The following SEPTIN2 variants were observed in gnomAD, a reference collection of about 807,000 sequenced individuals.
The protein encoded by SEPTIN2 is septin 2, also known as septin-2.
In SEPTIN2, 34 loss-of-function variants were observed where a neutral mutation model predicts 46.5. The ratio of observed to expected loss-of-function variants is 0.73; its 90% CI spans 0.56 to 0.97. SEPTIN2 has a LOEUF of 0.97. SEPTIN2 is among the 50% of genes least tolerant of loss of function. The pLI is 0.00. For missense variants in SEPTIN2, 347 were observed against 448.4 expected (o/e 0.77, Z 2.04); for synonymous variants, 175 against 153.4 (o/e 1.14, Z -1.04).
intron 3 of SEPTIN2, among the ~76,000 whole-genome samples, chr2:241,334,102 A>G (rs2079499116): frequency 6.6e-6 from 1 of 152,096 alleles, no homozygotes; most frequent in Non-Finnish European, 1.5e-5. Flanking sequence ...TTGAATTCTT[A>G]GCCTCAAGTG....
chr2:241,316,595 G>A (rs1454396689), intron 1 of SEPTIN2: 3 of 1,405,850 alleles, frequency 2.1e-6, no homozygotes, highest in South Asian at 1.4e-5. Context: ...AGGGTTGGAG[G>A]CCGCCGAGTT....
chr2:241,316,713 G>A (rs989967197), intron 1 of SEPTIN2: 13 of 478,434 alleles, frequency 2.7e-5, no homozygotes, highest in African/African-American at 2.6e-4. Context: ...TTACCTTTTC[G>A]GTCTAATTCT....
At chr2:241,332,821 A>G (rs1042451243) in intron 3 of SEPTIN2, among the ~76,000 whole-genome samples, 1 of 152,250 alleles carries the variant, frequency 6.6e-6, no homozygotes, top group African/African-American at 2.4e-5. Context: ...ATGCAACAAC[A>G]TGCATCAGTC....
intron 1 of SEPTIN2, among the ~76,000 whole-genome samples, chr2:241,321,846 A>G (rs1276911699): frequency 6.6e-6 from 1 of 151,808 alleles, no homozygotes; most frequent in Non-Finnish European, 1.5e-5. Context: ...TCATAATCAG[A>G]TACTTATCTC....
At chr2:241,345,203 A>G (rs920024101) in intron 9 of SEPTIN2, among the ~76,000 whole-genome samples, 2 of 152,218 alleles carry the variant, frequency 1.3e-5, no homozygotes, top group Non-Finnish European at 2.9e-5. Flanking sequence ...TGATGTGGAT[A>G]AATCAGTGTT....
At chr2:241,325,871 T>C (rs550005884) in intron 2 of SEPTIN2, 122 bp from the exon 3 acceptor site, 2 of 875,806 alleles carry the variant, frequency 2.3e-6, no homozygotes, top group Admixed American at 3.1e-5. Context: ...CTGGAAGTGT[T>C]TATACTTTTT....
chr2:241,332,652 A>G lies in SEPTIN2; in HGVS notation c.131-2474A>G, dbSNP rs114581443. Among the ~76,000 whole-genome samples, 866 of 152,382 alleles carry G rather than the reference A, an allele frequency of 5.7e-3. 16 individuals carry two copies. The highest frequency in any genetic ancestry group is 0.019 in the African/African-American group (803 of 41,590). ...GTGTTTACCCACAAGAAATGAAAACATGTCCATAAAGATTTGTATATGAAT... is the reference window on the plus strand; with the variant it reads ...GTGTTTACCCACAAGAAATGAAAACGTGTCCATAAAGATTTGTATATGAAT... On this transcript the variant is annotated intron_variant, in intron 3 of 12. Transcript: ENST00000391971.
At position 241,324,205 on chromosome 2, in the gene SEPTIN2, T is replaced by G; in HGVS notation, c.-17-11T>G. On this transcript the variant is annotated splice_polypyrimidine_tract_variant and intron_variant, in intron 1 of 12. Transcript: ENST00000391971. ...GCGTTTATGTGTGTCTGTGTGTTTT[T>G]TTTTTAACAGACGAAGCTTCACAAA... is the stretch of plus-strand genomic sequence containing the variant. 1 of 1,610,752 alleles carries G rather than the reference T, an allele frequency of 6.2e-7. No individual in the cohort carries two copies. The highest frequency in any genetic ancestry group is 8.5e-7 in the Non-Finnish European group (1 of 1,178,894).
At chr2:241,327,659 C>G (rs937756701) in intron 3 of SEPTIN2, among the ~76,000 whole-genome samples, 3 of 151,816 alleles carry the variant, frequency 2.0e-5, no homozygotes, top group Non-Finnish European at 4.4e-5. Flanking sequence ...CTACCAGAAA[C>G]TACTGATGAG....
At chr2:241,343,205 A>C in intron 8 of SEPTIN2, 112 bp downstream of exon 8, 1 of 693,740 alleles carries the variant, frequency 1.4e-6, no homozygotes, top group East Asian at 2.6e-5. Flanking sequence ...TTTTGCTTTC[A>C]ATATATTTTA....
intron 1 of SEPTIN2, chr2:241,316,327 T>G: frequency 2.2e-6 from 1 of 448,626 alleles, no homozygotes; most frequent in South Asian, 3.5e-5. Context: ...TCGGGAGGTT[T>G]GGTGCTTGGA....
Position 241,348,125 on chromosome 2 carries a change from G to C in SEPTIN2, c.927-9G>C. Reference sequence around the variant, plus strand: ...CAGTGTTATGATTCTGATTTCTTTCGATTCTTAGGAAAGTGGAGAATGAGG... The same window carrying C: ...CAGTGTTATGATTCTGATTTCTTTCCATTCTTAGGAAAGTGGAGAATGAGG... On this transcript the variant is annotated splice_polypyrimidine_tract_variant and intron_variant, in intron 10 of 12. Coordinates refer to ENST00000391971, the MANE Select transcript of SEPTIN2 (RefSeq NM_004404.5). The C allele has an allele frequency of 6.2e-7, 1 of 1,608,878 alleles. No individual in the cohort carries two copies. Among genetic ancestry groups the C allele is most frequent in the Non-Finnish European group, 8.5e-7 (1 of 1,177,114 alleles).
chr2:241,343,863 C>G lies in SEPTIN2; in HGVS notation c.808C>G (p.His270Asp), dbSNP rs375981625. 46 of 1,614,108 alleles carry G rather than the reference C, an allele frequency of 2.8e-5. No individual in the cohort carries two copies. The highest frequency in any genetic ancestry group is 3.6e-5 in the Non-Finnish European group (42 of 1,180,028). ...TGTTGTGGAAGTGGAGAACCCAGAGCACAATGACTTTCTGAAGCTGAGAAC... is the reference window on the plus strand; with the variant it reads ...TGTTGTGGAAGTGGAGAACCCAGAGGACAATGACTTTCTGAAGCTGAGAAC... ...WGVVEVENPE[H>D]NDFLKLRTML... The change falls in exon 9 of 13, where the codon CAC becomes GAC. Residue 270 changes from histidine (H) to aspartate (D), a missense_variant. By Grantham distance (81) the His-to-Asp change is moderately conservative. Coordinates refer to ENST00000391971, the MANE Select transcript of SEPTIN2 (RefSeq NM_004404.5).
At chr2:241,330,418 G>C (rs1468004331) in intron 3 of SEPTIN2, among the ~76,000 whole-genome samples, 1 of 152,238 alleles carries the variant, frequency 6.6e-6, no homozygotes, top group Non-Finnish European at 1.5e-5. Context: ...GTGGACATCA[G>C]GAGGGTTGCA....
chr2:241,321,087 CT>C (rs1303638833), intron 1 of SEPTIN2, among the ~76,000 whole-genome samples: 4 of 151,710 alleles, frequency 2.6e-5, no homozygotes, highest in Non-Finnish European at 5.9e-5. Flanking sequence ...TTTGTTTAGG[CT>C]TTTTTTTATG....
At chr2:241,343,981 A>G (rs1319704753) in intron 9 of SEPTIN2, 84 bp downstream of exon 9, 4 of 1,508,378 alleles carry the variant, frequency 2.7e-6, no homozygotes, top group Non-Finnish European at 3.6e-6. Flanking sequence ...GGCCCCCAAG[A>G]TAGTTGCAGC....
In SEPTIN2 at chr2:241,324,103, C is replaced by T. The variant is rs2077550842; in HGVS notation, c.-17-113C>T. 8 of 918,924 alleles carry T rather than the reference C, an allele frequency of 8.7e-6. 1 individual carries two copies. In the South Asian group the frequency reaches 9.2e-5, roughly 11 times the overall value. 56.9% of individuals were successfully genotyped at this position (918,924 alleles called of 1,614,324 possible). A position where few individuals can be genotyped will look rare whatever the true frequency, so the allele number is the denominator to read the frequency against. ...GAAATTGTATTTTCTTTTTACATTG[C>T]CTATGTATGTGTAAGTCTTCTTCAG... On this transcript the variant is annotated intron_variant, in intron 1 of 12. Transcript: ENST00000391971.
At chr2:241,351,431 A>G (rs1427514005) in intron 12 of SEPTIN2, 2 of 152,252 alleles carry the variant, frequency 1.3e-5, no homozygotes, top group African/African-American at 4.8e-5. Flanking sequence ...TCATCATCAC[A>G]GTGACACCTT....
At chr2:241,334,430 T>C (rs2079562031) in intron 3 of SEPTIN2, among the ~76,000 whole-genome samples, 1 of 152,226 alleles carries the variant, frequency 6.6e-6, no homozygotes, top group Non-Finnish European at 1.5e-5. Context: ...GAATATGTAG[T>C]CACAGTAGTT....
Sources: allele counts gnomAD v4.1 joint callset (sites outside exome capture counted in the v4.1 genomes callset), GRCh38; gene constraint gnomAD v4.1.1; transcripts MANE v1.5; gene names NCBI Gene and HGNC (gene_info 2026-07-23, HGNC 2026-07-21).